STAT4: variants seen among roughly 807,000 people sequenced by gnomAD.
The protein encoded by STAT4 is signal transducer and activator of transcription 4.
Under a neutral mutation model 110.5 loss-of-function variants are expected in STAT4, and 42 were observed. That is an observed-to-expected ratio of 0.38 (90% CI 0.30 to 0.49). The LOEUF (loss-of-function observed/expected upper bound fraction) is 0.49. Ranked by LOEUF, STAT4 falls within the 20% of genes least tolerant of loss-of-function variation. The pLI is 0.95. For synonymous variants in STAT4, 284 were observed against 302.2 expected, an observed-to-expected ratio of 0.94 and a Z score of 0.63; for missense variants, 632 against 887.9, an observed-to-expected ratio of 0.71 and a Z score of 3.66.
At chr2:191,118,065 A>G (rs532058876) in intron 3 of STAT4, among the ~76,000 whole-genome samples, 5 of 152,222 alleles carry the variant, frequency 3.3e-5, no homozygotes, top group Non-Finnish European at 7.3e-5. Context: ...AAAGATTAAA[A>G]CACTTTATAC....
intron 3 of STAT4, among the ~76,000 whole-genome samples, chr2:191,084,303 C>T (rs1209926261): frequency 6.6e-6 from 1 of 151,774 alleles, no homozygotes; most frequent in Non-Finnish European, 1.5e-5. Flanking sequence ...ACTTGCTTAA[C>T]CTGTCTATAA....
In STAT4 at chr2:191,033,937, T is replaced by C; in HGVS notation, c.1689A>G (p.Lys563=). 1 of 1,611,822 alleles carries C rather than the reference T, an allele frequency of 6.2e-7. No individual in the cohort carries two copies. Among genetic ancestry groups the C allele is most frequent in the Admixed American group, 1.7e-5 (1 of 59,598 alleles). Residue 563 remains lysine (K), a synonymous_variant, in exon 19 of 24, where the codon AAA becomes AAG. Coordinates refer to ENST00000392320, the MANE Select transcript of STAT4 (RefSeq NM_003151.4). This position sits in a 1 kb window ranked among gnomAD's most constrained non-coding sequence, Gnocchi z 6.9. ...WLEAILDLIK[K]HILPLWIDGY... ...CATCAATCCAAAGGGGAAGAATGTGTTTCTTAATTAGATCCAATATTGCTT... is the reference window on the plus strand; with the variant it reads ...CATCAATCCAAAGGGGAAGAATGTGCTTCTTAATTAGATCCAATATTGCTT...
intron 5 of STAT4, among the ~76,000 whole-genome samples, chr2:191,071,686 C>T (rs769400962): frequency 7.9e-5 from 12 of 152,086 alleles, no homozygotes; most frequent in Non-Finnish European, 8.8e-5. Flanking sequence ...CCAAATGTTC[C>T]GTAGAGAAAC....
At chr2:191,128,773 G>A (rs1162594760) in intron 3 of STAT4, among the ~76,000 whole-genome samples, 1 of 152,178 alleles carries the variant, frequency 6.6e-6, no homozygotes, top group East Asian at 1.9e-4. Context: ...ATACTGTATA[G>A]GCAGTGAGAT....
At chr2:191,079,730 C>G (rs1697411039) in intron 3 of STAT4, among the ~76,000 whole-genome samples, 1 of 151,974 alleles carries the variant, frequency 6.6e-6, no homozygotes, top group East Asian at 1.9e-4. Context: ...AATTTCTATA[C>G]ATAGGGATTT....
intron 3 of STAT4, among the ~76,000 whole-genome samples, chr2:191,087,888 T>A (rs1697677549): frequency 6.6e-6 from 1 of 151,972 alleles, no homozygotes; most frequent in Non-Finnish European, 1.5e-5. Context: ...GTGAAATTTC[T>A]CAACTTGATA....
At position 191,035,555 on chromosome 2, in the gene STAT4, T is replaced by A. The variant is rs143232395; in HGVS notation, c.1570+609A>T. On this transcript the variant is annotated intron_variant, in intron 17 of 23. Transcript: ENST00000392320. This position sits in a 1 kb window ranked among gnomAD's most constrained non-coding sequence, Gnocchi z 4.7. ...GTCAAAATACAGATCTCTTAGAGAC[T>A]TTTTAGAAAATGTTTGGATTATAGT... is the stretch of plus-strand genomic sequence containing the variant. Among the ~76,000 whole-genome samples the A allele has an allele frequency of 3.7e-4, 56 of 152,364 alleles. No homozygotes were observed. The East Asian group carries it at 8.9e-3, about 24-fold the overall frequency.
intron 3 of STAT4, among the ~76,000 whole-genome samples, chr2:191,089,207 A>G: frequency 6.6e-6 from 1 of 151,596 alleles, no homozygotes. Flanking sequence ...AATATTTTTA[A>G]AAAGCAAGAA....
chr2:191,030,851 T>G lies in STAT4; in HGVS notation c.2220+121A>C, dbSNP rs1695872485. The G allele has an allele frequency of 2.3e-6, 2 of 856,296 alleles. No homozygotes were observed. Among genetic ancestry groups the G allele is most frequent in the Admixed American group, 4.2e-5 (2 of 47,392 alleles). 53.0% of individuals were successfully genotyped at this position (856,296 alleles called of 1,614,324 possible). A position where few individuals can be genotyped will look rare whatever the true frequency, so the allele number is the denominator to read the frequency against. On this transcript the variant is annotated intron_variant, in intron 23 of 23. Coordinates refer to ENST00000392320, the MANE Select transcript of STAT4 (RefSeq NM_003151.4). The surrounding 1 kb of genome is among the most constrained non-coding windows in gnomAD (Gnocchi z 4.4). ...ACACCTTTTGTGTTATGCTCATGAA[T>G]TTGTTCCAATAAATGTGTTTTCTCC...
chr2:191,034,128 A>G, intron 18 of STAT4, 123 bp from the exon 19 acceptor site: 1 of 756,046 alleles, frequency 1.3e-6, no homozygotes, highest in East Asian at 2.9e-5. Context: ...TAATTTCTTT[A>G]AAAAATATTC....
Position 191,032,899 on chromosome 2 carries a change from T to C in STAT4, c.2044+59A>G. 2 of 1,505,458 alleles carry C rather than the reference T, an allele frequency of 1.3e-6. No homozygotes were observed. The highest frequency in any genetic ancestry group is 1.8e-6 in the Non-Finnish European group (2 of 1,112,674). The allele number at this position is 1,505,458 out of a possible 1,614,324, so 93.3% of individuals were successfully genotyped here. A position where few individuals can be genotyped will look rare whatever the true frequency, so the allele number is the denominator to read the frequency against. Reference sequence around the variant, plus strand: ...GAACTTCATTTACTTTGCTCCAATATGAGGTTATTTTCCAAAATCTTAAGG... The same window carrying C: ...GAACTTCATTTACTTTGCTCCAATACGAGGTTATTTTCCAAAATCTTAAGG... On this transcript the variant is annotated intron_variant, in intron 21 of 23. Transcript: ENST00000392320. This position sits in a 1 kb window ranked among gnomAD's most constrained non-coding sequence, Gnocchi z 4.9.
chr2:191,087,607 A>C (rs1461869709), intron 3 of STAT4, among the ~76,000 whole-genome samples: 2 of 152,178 alleles, frequency 1.3e-5, no homozygotes, highest in Non-Finnish European at 2.9e-5. Flanking sequence ...CTTCATTTAC[A>C]TAACAAGGCC....
rs188717414 is a variant in STAT4, at chr2:191,117,257, G to A, written c.273+29356C>T. ...TATCAAGGGATTTTCATCTTTGCCA[G>A]TTTGGAAGATAAAAAGTGCTCTTAT... On this transcript the variant is annotated intron_variant, in intron 3 of 23. Transcript: ENST00000392320. This position sits in a 1 kb window ranked among gnomAD's most constrained non-coding sequence, Gnocchi z 5.2. Among the ~76,000 whole-genome samples, 17 of 152,298 alleles carry A rather than the reference G, an allele frequency of 1.1e-4. No homozygotes were observed. The East Asian group carries it at 3.1e-3, about 28-fold the overall frequency.
intron 3 of STAT4, among the ~76,000 whole-genome samples, chr2:191,126,968 C>A (rs1698897638): frequency 1.3e-5 from 2 of 152,158 alleles, no homozygotes; most frequent in African/African-American, 4.8e-5. Context: ...TACAGGCACA[C>A]ACCACCATGC....
At chr2:191,080,103 T>C (rs576678811) in intron 3 of STAT4, among the ~76,000 whole-genome samples, 1 of 152,302 alleles carries the variant, frequency 6.6e-6, no homozygotes, top group African/African-American at 2.4e-5. Context: ...TATATATTAG[T>C]GGTCAATGAA....
intron 3 of STAT4, among the ~76,000 whole-genome samples, chr2:191,129,235 T>C (rs1484296022): frequency 6.6e-6 from 1 of 152,100 alleles, no homozygotes; most frequent in East Asian, 1.9e-4. Context: ...AAGCATGCAA[T>C]GAAATTTTAA....
intron 14 of STAT4, among the ~76,000 whole-genome samples, chr2:191,052,952 T>C (rs1696573146): frequency 6.6e-6 from 1 of 152,222 alleles, no homozygotes; most frequent in Admixed American, 6.5e-5. Flanking sequence ...AGCTGTGCCC[T>C]GAGCAGCGAT....
chr2:191,099,358 A>G lies in STAT4; in HGVS notation c.274-23033T>C, dbSNP rs1161581833. The stretch of plus-strand genomic sequence containing the variant: ...TTGACTAGCAAGTCCATATCTAGGA[A>G]TCCATCCAATAAAAATAAAAGCACT... On this transcript the variant is annotated intron_variant, in intron 3 of 23. Coordinates refer to ENST00000392320, the MANE Select transcript of STAT4 (RefSeq NM_003151.4). This position sits in a 1 kb window ranked among gnomAD's most constrained non-coding sequence, Gnocchi z 4.1. Among the ~76,000 whole-genome samples, 2 of 152,146 alleles carry G rather than the reference A, an allele frequency of 1.3e-5. No homozygotes were observed. The highest frequency in any genetic ancestry group is 1.3e-4 in the Admixed American group (2 of 15,268).
chr2:191,122,157 T>A (rs1040868484), intron 3 of STAT4: 1 of 151,854 alleles, frequency 6.6e-6, no homozygotes, highest in South Asian at 2.1e-4. Flanking sequence ...AAACATCTCA[T>A]GTACCCCACA....
Sources: allele counts gnomAD v4.1 joint callset (sites outside exome capture counted in the v4.1 genomes callset), GRCh38; gene constraint gnomAD v4.1.1; non-coding constraint Gnocchi (gnomAD v3.1); transcripts MANE v1.5; gene names NCBI Gene and HGNC (gene_info 2026-07-23, HGNC 2026-07-21).